Variants in HIGD1A observed in about 807,000 individuals in gnomAD.
HIGD1A encodes HIG1 hypoxia inducible domain family member 1A.
In HIGD1A, 8 loss-of-function variants were observed where a neutral mutation model predicts 11.3. The observed-to-expected ratio is 0.71, with a 90% CI of 0.42 to 1.28. The LOEUF (loss-of-function observed/expected upper bound fraction) is 1.28, where lower values mean the gene tolerates loss of function less well. HIGD1A is among the 50% of genes most tolerant of loss of function. The pLI is 0.01. For synonymous variants in HIGD1A, 32 were observed against 38.4 expected, an observed-to-expected ratio of 0.83 and a Z score of 0.62; for missense variants, 107 against 118.8, an observed-to-expected ratio of 0.90 and a Z score of 0.46.
chr3:42,785,464 T>A lies in HIGD1A; in HGVS notation c.233-144A>T, dbSNP rs185419011. ...GAATAAGACCCTAGGAAGCTTATAC[T>A]CTTGCCTTCTTAAACATCTTAAATC... On this transcript the variant is annotated intron_variant, in intron 3 of 3. Transcript: ENST00000321331. 40 of 615,098 alleles carry A rather than the reference T, an allele frequency of 6.5e-5. No homozygotes were observed. In the African/African-American group the frequency reaches 6.5e-4, roughly 10 times the overall value. The allele number at this position is 615,098 out of a possible 1,614,324, so 38.1% of individuals were successfully genotyped here.
chr3:42,785,868 A>T (rs1700343290), intron 3 of HIGD1A, among the ~76,000 whole-genome samples, 160 bp downstream of exon 3: 1 of 152,136 alleles, frequency 6.6e-6, no homozygotes, highest in Non-Finnish European at 1.5e-5. Flanking sequence ...AAACTATGTC[A>T]CTACTTGAAT....
Position 42,786,163 on chromosome 3 carries a change from C to T in HIGD1A, c.98-1G>A, listed in dbSNP as rs1700348688. 1.9e-6 allele frequency: 3 copies of T among 1,613,896 alleles called. No individual in the cohort carries two copies. The highest frequency in any genetic ancestry group is 2.5e-6 in the Non-Finnish European group (3 of 1,179,940). ...ACAATTGCTGCAAAACCCGCTATTC[C>T]TGTAAAACAAAGTAACAAGTATGTC... On this transcript the variant is annotated splice_acceptor_variant, in intron 2 of 3. Coordinates refer to ENST00000321331, the MANE Select transcript of HIGD1A (RefSeq NM_014056.4). LOFTEE classifies it high-confidence loss of function.
intron 2 of HIGD1A, among the ~76,000 whole-genome samples, chr3:42,791,029 T>C (rs371925575): frequency 1.3e-5 from 2 of 152,320 alleles, no homozygotes; most frequent in African/African-American, 2.4e-5. Flanking sequence ...TTATGAGGTA[T>C]CTAAACATAC....
rs1559677073 is a variant in HIGD1A, at chr3:42,794,153, T to A, written c.97+4A>T. 9.4e-6 allele frequency: 15 copies of A among 1,599,686 alleles called. No individual in the cohort carries two copies. The highest frequency in any genetic ancestry group is 1.3e-5 in the Non-Finnish European group (15 of 1,176,088). Reference sequence around the variant, plus strand: ...AAGACTACTAAAATGTCAGTCAAACTTACCAACGGGTACGAATGGTGCCTC... The same window carrying A: ...AAGACTACTAAAATGTCAGTCAAACATACCAACGGGTACGAATGGTGCCTC... On this transcript the variant is annotated splice_donor_region_variant and intron_variant, in intron 2 of 3. Coordinates refer to ENST00000321331, the MANE Select transcript of HIGD1A (RefSeq NM_014056.4).
At chr3:42,795,563 T>C (rs1019516405) in intron 1 of HIGD1A, among the ~76,000 whole-genome samples, 1 of 152,116 alleles carries the variant, frequency 6.6e-6, no homozygotes, top group Admixed American at 6.6e-5. Context: ...TGAATTACCC[T>C]CAGGGTCTTC....
At chr3:42,789,579 C>T (rs1206114847) in intron 2 of HIGD1A, among the ~76,000 whole-genome samples, 6 of 86,472 alleles carry the variant, frequency 6.9e-5, no homozygotes, top group Non-Finnish European at 1.3e-4. Flanking sequence ...AAAAAAAAAA[C>T]GAAAAATCTC....
chr3:42,794,192 A>T lies in HIGD1A; in HGVS notation c.62T>A (p.Ile21Asn). 6.2e-7 allele frequency: 1 copy of T among 1,605,658 alleles called. No homozygotes were observed. The highest frequency in any genetic ancestry group is 8.5e-7 in the Non-Finnish European group (1 of 1,177,494). The change falls in exon 2 of 4, where the codon ATT becomes AAT. Residue 21 changes from isoleucine to asparagine, a missense_variant. Transcript: ENST00000321331. The part of the protein sequence containing the change: ...SYEEDQGSKL[I>N]RKAKEAPFVP... ...GAATGGTGCCTCTTTAGCTTTTCGAATGAGTTTTGATCCCTGATCTTCCTC... is the reference window on the plus strand; with the variant it reads ...GAATGGTGCCTCTTTAGCTTTTCGATTGAGTTTTGATCCCTGATCTTCCTC...
At chr3:42,800,957 C>T (rs7612782) in intron 1 of HIGD1A, among the ~76,000 whole-genome samples, 145,382 of 152,284 alleles carry the variant, frequency 0.95, 69,777 homozygotes, top group South Asian at 1. Flanking sequence ...TTCAACTTTG[C>T]CTGCTCTGTT....
At chr3:42,804,137 CCCCATCAGCGAGTCTT>C in intron 1 of HIGD1A, 1 of 1,604,240 alleles carries the variant, frequency 6.2e-7, no homozygotes, top group South Asian at 1.1e-5. Flanking sequence ...CTCATTACCA[CCCCATCAGCGAGTCTT>C]CCCCGCTCGG....
intron 1 of HIGD1A, among the ~76,000 whole-genome samples, chr3:42,796,319 G>C (rs368258688): frequency 6.6e-6 from 1 of 151,822 alleles, no homozygotes; most frequent in African/African-American, 2.4e-5. Context: ...AAACTCCTAA[G>C]TAATGAGCTT....
chr3:42,795,220 T>C (rs1575362198), intron 1 of HIGD1A, among the ~76,000 whole-genome samples: 1 of 1,134 alleles, frequency 8.8e-4, no homozygotes, highest in Non-Finnish European at 0.12. Context: ...TATGATTAGC[T>C]TTTTTTTTTT....
chr3:42,796,102 G>A (rs1700495092), intron 1 of HIGD1A, among the ~76,000 whole-genome samples: 1 of 152,208 alleles, frequency 6.6e-6, no homozygotes, highest in Non-Finnish European at 1.5e-5. Context: ...CTCAAGGGGA[G>A]TCAGTGGCAG....
intron 2 of HIGD1A, among the ~76,000 whole-genome samples, chr3:42,788,648 G>C (rs541863815): frequency 6.6e-6 from 1 of 152,122 alleles, no homozygotes; most frequent in Non-Finnish European, 1.5e-5. Flanking sequence ...TTGGGAGGCC[G>C]AGGCAGGTGA....
intron 3 of HIGD1A, 61 bp from the exon 4 acceptor site, chr3:42,785,381 A>G (rs1195085571): frequency 1.4e-6 from 2 of 1,384,992 alleles, no homozygotes; most frequent in East Asian, 4.6e-5. Flanking sequence ...AAAAATAAAA[A>G]CCAGTTCATA....
At chr3:42,796,559 A>C (rs1003642808) in intron 1 of HIGD1A, among the ~76,000 whole-genome samples, 1 of 152,300 alleles carries the variant, frequency 6.6e-6, no homozygotes, top group Middle Eastern at 3.4e-3. Flanking sequence ...CAATTCACCC[A>C]AAGCCAGCTG....
Position 42,794,277 on chromosome 3 carries a change from T to G in HIGD1A, c.-22-2A>C. On this transcript the variant is annotated splice_acceptor_variant, in intron 1 of 3. Coordinates refer to ENST00000321331, the MANE Select transcript of HIGD1A (RefSeq NM_014056.4). LOFTEE classifies it low-confidence loss of function (5UTR_SPLICE). The stretch of plus-strand genomic sequence containing the variant: ...ATAGTGATTGCTTGAAGAATCTCCC[T>G]GAGAAAGAATTTCTATGAGGTTCTG... 1 of 1,561,832 alleles carries G rather than the reference T, an allele frequency of 6.4e-7. No individual in the cohort carries two copies. The highest frequency in any genetic ancestry group is 2.2e-5 in the Admixed American group (1 of 45,718).
chr3:42,794,330 A>G (rs1246265910), intron 1 of HIGD1A, 55 bp from the exon 2 acceptor site: 1 of 1,458,038 alleles, frequency 6.9e-7, no homozygotes, highest in Non-Finnish European at 9.2e-7. Context: ...ACATTATTAA[A>G]TATCTGGATG....
At chr3:42,787,425 T>C (rs949785258) in intron 2 of HIGD1A, among the ~76,000 whole-genome samples, 7 of 151,564 alleles carry the variant, frequency 4.6e-5, no homozygotes, top group Non-Finnish European at 1.0e-4. Flanking sequence ...TGGTCATCTC[T>C]ACTAAAAATA....
rs1700306871 is a variant in HIGD1A, at chr3:42,783,534, G to A, written c.*1737C>T. ...GAAGGTTGAAGCATCAGAATCGCACGAAGCTAGGAGGTGGAGGGTGCCGTG... is the reference window on the plus strand; with the variant it reads ...GAAGGTTGAAGCATCAGAATCGCACAAAGCTAGGAGGTGGAGGGTGCCGTG... On this transcript the variant is annotated 3_prime_UTR_variant, in exon 4 of 4. Coordinates refer to ENST00000321331, the MANE Select transcript of HIGD1A (RefSeq NM_014056.4). 6.6e-6 allele frequency among the ~76,000 whole-genome samples: 1 copy of A among 152,118 alleles called. No individual in the cohort carries two copies. The highest frequency in any genetic ancestry group is 1.5e-5 in the Non-Finnish European group (1 of 68,024).
Sources: allele counts gnomAD v4.1 joint callset (sites outside exome capture counted in the v4.1 genomes callset), GRCh38; gene constraint gnomAD v4.1.1; transcripts MANE v1.5; gene names NCBI Gene and HGNC (gene_info 2026-07-23, HGNC 2026-07-21).